TCF12: variants seen among roughly 807,000 people sequenced by gnomAD.
TCF12 encodes transcription factor 12.
Under a neutral mutation model 86.0 loss-of-function variants are expected in TCF12, and 45 were observed. That is an observed-to-expected ratio of 0.52 (90% CI 0.41 to 0.67). The LOEUF (loss-of-function observed/expected upper bound fraction) is 0.67. Among genes scored for constraint, TCF12 ranks in the 30% least tolerant of loss-of-function variants. The pLI is 0.00. For missense variants in TCF12, 881 were observed against 859.9 expected, an observed-to-expected ratio of 1.02 and a Z score of -0.31; for synonymous variants, 330 against 299.6, an observed-to-expected ratio of 1.10 and a Z score of -1.05.
intron 8 of TCF12, chr15:57,219,125 A>G: frequency 9.4e-7 from 1 of 1,063,354 alleles, no homozygotes. Context: ...AAAACTAAAA[A>G]CAGATTAGCA....
intron 6 of TCF12, among the ~76,000 whole-genome samples, chr15:57,184,266 C>T (rs1190460182): frequency 6.6e-6 from 1 of 152,154 alleles, no homozygotes; most frequent in African/African-American, 2.4e-5. Context: ...ATAGCCAATA[C>T]ATAAATGAAT....
intron 3 of TCF12, among the ~76,000 whole-genome samples, chr15:56,937,274 G>A (rs1366854865): frequency 6.6e-6 from 1 of 151,946 alleles, no homozygotes; most frequent in Non-Finnish European, 1.5e-5. Flanking sequence ...TATCAGTTTG[G>A]TCGCTGTTGG....
intron 6 of TCF12, among the ~76,000 whole-genome samples, chr15:57,171,675 C>T (rs2055511030): frequency 6.6e-6 from 1 of 152,116 alleles, no homozygotes; most frequent in Non-Finnish European, 1.5e-5. Context: ...CATCATATTA[C>T]ATTCACAACA....
chr15:57,071,565 G>A lies in TCF12; in HGVS notation c.222+7742G>A, dbSNP rs551584287. ...CAGGAGAATCTCTAGAGCCCGGGAG[G>A]CGGAGGTTAGAATGAGCCTTACTAC... On this transcript the variant is annotated intron_variant, in intron 4 of 20. Transcript: ENST00000333725. Among the ~76,000 whole-genome samples the A allele has an allele frequency of 8.5e-5, 13 of 152,266 alleles. No homozygotes were observed. In the South Asian group the frequency reaches 2.5e-3, roughly 29 times the overall value.
At chr15:57,275,327 G>GAGGGGTGTGTGTGTGTGTGTGTGTGTGT (rs2061328002) in intron 19 of TCF12, among the ~76,000 whole-genome samples, 1 of 64,060 alleles carries the variant, frequency 1.6e-5, no homozygotes, top group Non-Finnish European at 2.9e-5. Flanking sequence ...GTAAGGTAGG[G>GAGGGGTGTGTGTGTGTGTGTGTGTGTGT]GTGTGTGTGT....
At position 57,232,447 on chromosome 15, in the gene TCF12, G is replaced by A. The variant is rs2059179375; in HGVS notation, c.825+17G>A. On this transcript the variant is annotated intron_variant, in intron 10 of 20. Coordinates refer to ENST00000333725, the MANE Select transcript of TCF12 (RefSeq NM_207037.2). ...GACCGCTTGGTAGGCTATAACACGT[G>A]ACTAGGGTACAGCAACACTTTGTCC... 1 of 1,586,642 alleles carries A rather than the reference G, an allele frequency of 6.3e-7. No individual in the cohort carries two copies. The highest frequency in any genetic ancestry group is 1.4e-5 in the African/African-American group (1 of 73,300).
intron 20 of TCF12, among the ~76,000 whole-genome samples, chr15:57,285,766 A>G (rs1240126225): frequency 1.3e-5 from 2 of 152,184 alleles, no homozygotes; most frequent in Non-Finnish European, 2.9e-5. Context: ...GATCTCCTTT[A>G]AAAATCTTAC....
intron 5 of TCF12, among the ~76,000 whole-genome samples, chr15:57,154,161 G>A (rs1333236896): frequency 6.6e-6 from 1 of 152,090 alleles, no homozygotes; most frequent in Non-Finnish European, 1.5e-5. Flanking sequence ...AGAGATAGAG[G>A]AAGCAAGCAT....
At chr15:56,949,121 T>C (rs571945677) in intron 3 of TCF12, among the ~76,000 whole-genome samples, 7 of 152,392 alleles carry the variant, frequency 4.6e-5, no homozygotes, top group African/African-American at 1.7e-4. Flanking sequence ...TTGTCTTGAT[T>C]ACATTAAATT....
chr15:56,998,477 A>AT (rs2063833705), intron 3 of TCF12, among the ~76,000 whole-genome samples: 4 of 146,788 alleles, frequency 2.7e-5, no homozygotes. Context: ...AAAAAAAAAA[A>AT]TGCTTGAAGG....
At chr15:56,985,552 A>C (rs1418891941) in intron 3 of TCF12, among the ~76,000 whole-genome samples, 1 of 152,202 alleles carries the variant, frequency 6.6e-6, no homozygotes, top group Admixed American at 6.5e-5. Flanking sequence ...TTCATACCAA[A>C]GAGCAAAATA....
intron 5 of TCF12, among the ~76,000 whole-genome samples, chr15:57,131,277 C>G (rs1287033698): frequency 1.3e-5 from 2 of 152,076 alleles, no homozygotes; most frequent in Non-Finnish European, 2.9e-5. Context: ...TATGTTTTTT[C>G]CATTTCTGGT....
intron 14 of TCF12, chr15:57,252,154 GACTA>G (rs2060146110): frequency 5.7e-6 from 2 of 348,836 alleles, no homozygotes; most frequent in Non-Finnish European, 1.0e-5. Context: ...CTTTTTCTGT[GACTA>G]ACAAAACATT....
intron 8 of TCF12, 141 bp from the exon 9 acceptor site, chr15:57,231,011 G>A (rs967150156): frequency 1.7e-5 from 10 of 586,102 alleles, no homozygotes; most frequent in Non-Finnish European, 2.4e-5. Flanking sequence ...GTGGATTTAG[G>A]CAGTATTCTT....
At chr15:57,026,421 A>G (rs999395141) in intron 3 of TCF12, among the ~76,000 whole-genome samples, 1 of 152,194 alleles carries the variant, frequency 6.6e-6, no homozygotes, top group Non-Finnish European at 1.5e-5. Flanking sequence ...CTGATTTATT[A>G]TAAGCAGCAG....
intron 3 of TCF12, among the ~76,000 whole-genome samples, chr15:57,059,109 T>C (rs1287552415): frequency 4.6e-5 from 7 of 152,248 alleles, no homozygotes; most frequent in African/African-American, 1.4e-4. Flanking sequence ...AAATATGTTA[T>C]GTTTCCCTTA....
chr15:57,046,713 C>T (rs2067254877), intron 3 of TCF12, among the ~76,000 whole-genome samples: 2 of 152,188 alleles, frequency 1.3e-5, no homozygotes, highest in African/African-American at 2.4e-5. Flanking sequence ...GCCTTGGCCT[C>T]CCCAAGTGCT....
intron 3 of TCF12, among the ~76,000 whole-genome samples, chr15:57,063,541 A>G (rs1207085056): frequency 6.6e-6 from 1 of 152,224 alleles, no homozygotes; most frequent in Non-Finnish European, 1.5e-5. Flanking sequence ...ACTATAATTT[A>G]CATAGGGTAT....
At chr15:56,975,526 C>T (rs566257801) in intron 3 of TCF12, among the ~76,000 whole-genome samples, 1 of 151,890 alleles carries the variant, frequency 6.6e-6, no homozygotes, top group Non-Finnish European at 1.5e-5. Context: ...TCTCATTATT[C>T]TAAAAAAATG....
Sources: gnomAD v4.1 joint callset for allele counts (sites outside exome capture counted in the v4.1 genomes callset) on GRCh38, gnomAD v4.1.1 for gene constraint, MANE v1.5 for transcripts, NCBI Gene and HGNC (gene_info 2026-07-23, HGNC 2026-07-21) for gene names.